DIAPH3: variants seen among roughly 807,000 people sequenced by gnomAD.
DIAPH3 encodes the protein protein diaphanous homolog 3.
DIAPH3 carries 117 observed loss-of-function variants against 144.3 expected under a neutral mutation model. That is an observed-to-expected ratio of 0.81 (90% CI 0.70 to 0.95). DIAPH3 has a LOEUF of 0.95. Ranked by LOEUF, DIAPH3 falls within the 40% of genes least tolerant of loss-of-function variation. DIAPH3 has a pLI of 0.00. For missense variants in DIAPH3, 1,421 were observed against 1,412.7 expected, an observed-to-expected ratio of 1.01 and a Z score of -0.09; for synonymous variants, 519 against 488.9, an observed-to-expected ratio of 1.06 and a Z score of -0.81.
At chr13:59,697,181 C>T (rs780196431) in intron 27 of DIAPH3, among the ~76,000 whole-genome samples, 19 of 151,016 alleles carry the variant, frequency 1.3e-4, no homozygotes, top group Non-Finnish European at 2.4e-4. Context: ...GATTCAGGGC[C>T]GGGCGCGGTG....
At chr13:59,792,878 G>T (rs1395746466) in intron 25 of DIAPH3, among the ~76,000 whole-genome samples, 2 of 152,080 alleles carry the variant, frequency 1.3e-5, no homozygotes, top group Non-Finnish European at 2.9e-5. Context: ...AGTAGTGCCG[G>T]TAAGAAACAA....
At chr13:59,885,666 C>G (rs888309091) in intron 20 of DIAPH3, among the ~76,000 whole-genome samples, 20 of 151,990 alleles carry the variant, frequency 1.3e-4, no homozygotes, top group African/African-American at 4.8e-4. Context: ...AAATCCTAAC[C>G]TCTGCTACCT....
chr13:60,031,525 A>T (rs1307048819), intron 5 of DIAPH3, among the ~76,000 whole-genome samples: 1 of 152,154 alleles, frequency 6.6e-6, no homozygotes. Flanking sequence ...TTAACTCTAA[A>T]GTCCAAAGTG....
intron 4 of DIAPH3, among the ~76,000 whole-genome samples, chr13:60,092,272 C>G (rs895072370): frequency 7.2e-5 from 11 of 151,892 alleles, no homozygotes; most frequent in African/African-American, 2.4e-4. Context: ...CCCCCAATAC[C>G]AATTTGTGAT....
At chr13:59,688,767 T>C (rs2033349031) in intron 27 of DIAPH3, among the ~76,000 whole-genome samples, 1 of 152,096 alleles carries the variant, frequency 6.6e-6, no homozygotes, top group South Asian at 2.1e-4. Flanking sequence ...CAGAAACAAC[T>C]TGCAGGGAAC....
At chr13:59,710,030 G>A (rs1340950576) in intron 27 of DIAPH3, among the ~76,000 whole-genome samples, 17 of 151,832 alleles carry the variant, frequency 1.1e-4, no homozygotes, top group Non-Finnish European at 5.9e-5. Flanking sequence ...TCACTCATAG[G>A]TGGGAATTGA....
At chr13:59,713,701 T>G (rs2034876824) in intron 27 of DIAPH3, among the ~76,000 whole-genome samples, 1 of 152,150 alleles carries the variant, frequency 6.6e-6, no homozygotes, top group Non-Finnish European at 1.5e-5. Flanking sequence ...CCACGTAACC[T>G]AGTTCTGGCT....
chr13:59,979,882 T>C (rs1438031637), intron 14 of DIAPH3, among the ~76,000 whole-genome samples: 1 of 151,632 alleles, frequency 6.6e-6, no homozygotes, highest in Non-Finnish European at 1.5e-5. Context: ...AAAAACCACC[T>C]GAATAATTCA....
intron 4 of DIAPH3, among the ~76,000 whole-genome samples, chr13:60,092,201 T>C (rs1259898505): frequency 6.6e-6 from 1 of 151,822 alleles, no homozygotes. Flanking sequence ...TAAAATAAGA[T>C]TTCCAAGGTC....
At chr13:59,706,276 G>A (rs1009097898) in intron 27 of DIAPH3, among the ~76,000 whole-genome samples, 16 of 152,046 alleles carry the variant, frequency 1.1e-4, no homozygotes, top group African/African-American at 3.4e-4. Context: ...GGTTGGTTGC[G>A]GCCACGGATG....
intron 17 of DIAPH3, among the ~76,000 whole-genome samples, chr13:59,965,530 C>G (rs1359111779): frequency 2.7e-5 from 3 of 112,576 alleles, no homozygotes; most frequent in Non-Finnish European, 3.7e-5. Flanking sequence ...ACAGATGCTT[C>G]CAATCTGGTA....
chr13:60,162,167 T>C (rs2138494651), intron 1 of DIAPH3, among the ~76,000 whole-genome samples: 1 of 152,336 alleles, frequency 6.6e-6, no homozygotes, highest in African/African-American at 2.4e-5. Flanking sequence ...AGATGGTCAA[T>C]GTGACATACA....
chr13:59,891,460 AC>A (rs145843148), intron 20 of DIAPH3, among the ~76,000 whole-genome samples: 5,071 of 151,348 alleles, frequency 0.034, 115 homozygotes, highest in Non-Finnish European at 0.047. Context: ...AAAAAAAAAA[AC>A]AATCTACAAT....
At chr13:59,970,215 T>C (rs932159178) in intron 16 of DIAPH3, among the ~76,000 whole-genome samples, 157 bp from the exon 17 acceptor site, 4 of 152,206 alleles carry the variant, frequency 2.6e-5, no homozygotes, top group Non-Finnish European at 4.4e-5. Context: ...AAGATACAAG[T>C]TCTGCAGGAT....
chr13:59,991,424 A>G, intron 11 of DIAPH3, 150 bp from the exon 12 acceptor site: 1 of 656,584 alleles, frequency 1.5e-6, no homozygotes, highest in Non-Finnish European at 2.7e-6. Flanking sequence ...GATTGAGGGT[A>G]GTGGAAAAAC....
At chr13:59,708,704 C>A (rs2034562238) in intron 27 of DIAPH3, among the ~76,000 whole-genome samples, 2 of 152,162 alleles carry the variant, frequency 1.3e-5, no homozygotes, top group South Asian at 2.1e-4. Flanking sequence ...TCAAAGCAAT[C>A]TACTCCAGTC....
At chr13:59,981,052 C>T (rs2050974646) in intron 13 of DIAPH3, among the ~76,000 whole-genome samples, 193 bp from the exon 14 acceptor site, 1 of 150,662 alleles carries the variant, frequency 6.6e-6, no homozygotes, top group Non-Finnish European at 1.5e-5. Flanking sequence ...AAACAGAAAA[C>T]ACAGGAAAAG....
intron 21 of DIAPH3, among the ~76,000 whole-genome samples, chr13:59,877,753 A>G (rs1049171052): frequency 3.3e-5 from 5 of 151,722 alleles, no homozygotes; most frequent in African/African-American, 1.2e-4. Flanking sequence ...AGACCAATTT[A>G]TCACCTCAGT....
chr13:59,682,785 T>C (rs1442307518), intron 27 of DIAPH3, among the ~76,000 whole-genome samples: 1 of 152,186 alleles, frequency 6.6e-6, no homozygotes, highest in Non-Finnish European at 1.5e-5. Context: ...TTCCAAAACA[T>C]AGCGATGCCA....
Sources: allele counts gnomAD v4.1 joint callset (sites outside exome capture counted in the v4.1 genomes callset), GRCh38; gene constraint gnomAD v4.1.1; transcripts MANE v1.5; gene names NCBI Gene and HGNC (gene_info 2026-07-23, HGNC 2026-07-21).